MID1: variants seen among roughly 807,000 people sequenced by gnomAD.
The protein encoded by MID1 is E3 ubiquitin-protein ligase Midline-1.
Under a neutral mutation model 40.4 loss-of-function variants are expected in MID1, and 7 were observed. The observed-to-expected ratio is 0.17, with a 90% CI of 0.10 to 0.33. The LOEUF is 0.33. Ranked by LOEUF, MID1 falls within the 10% of genes least tolerant of loss-of-function variation. The pLI is 1.00. For synonymous variants in MID1, 229 were observed against 221.2 expected, an observed-to-expected ratio of 1.04 and a Z score of -0.31; for missense variants, 367 against 558.5, an observed-to-expected ratio of 0.66 and a Z score of 3.46.
intron 7 of MID1, chrX:10,469,202 G>A: frequency 3.3e-6 from 1 of 299,613 alleles, no homozygotes; most frequent in Non-Finnish European, 4.6e-6. Context: ...CTCCTGAGTA[G>A]TTGGGACTAC....
At position 10,829,544 on chromosome X, in the gene MID1, C is replaced by T. The variant is rs772945877; in HGVS notation, c.-187+4010G>A. Among the ~76,000 whole-genome samples the T allele has an allele frequency of 3.6e-5, 4 of 111,632 alleles. No homozygotes were observed. The East Asian group carries it at 1.1e-3, about 31-fold the overall frequency. On this transcript the variant is annotated intron_variant, in intron 1 of 10. Transcript: ENST00000380785. Reference sequence around the variant, plus strand: ...AAAATAAAAATAACATTAAATGAACCATTGACATTAATATTTATAGTAACT... The same window carrying T: ...AAAATAAAAATAACATTAAATGAACTATTGACATTAATATTTATAGTAACT...
intron 1 of MID1, among the ~76,000 whole-genome samples, chrX:10,772,241 T>C (rs1424766400): frequency 1.8e-5 from 2 of 110,429 alleles, no homozygotes; most frequent in Non-Finnish European, 1.9e-5. Flanking sequence ...TAAAAAGGAG[T>C]GAATTAATGG....
At chrX:10,514,250 G>A (rs1285593766) in intron 3 of MID1, among the ~76,000 whole-genome samples, 3 of 112,098 alleles carry the variant, frequency 2.7e-5, no homozygotes, top group Non-Finnish European at 5.6e-5. Context: ...GACGATGAAA[G>A]GTTTGGATAA....
intron 1 of MID1, among the ~76,000 whole-genome samples, chrX:10,704,739 T>TATATATATATACAC (rs1233692170): frequency 6.1e-5 from 5 of 82,184 alleles, no homozygotes; most frequent in African/African-American, 2.6e-4. Flanking sequence ...TATATATATA[T>TATATATATATACAC]ACACACACAC....
chrX:10,566,571 CAG>C (rs1934560673), intron 2 of MID1, among the ~76,000 whole-genome samples: 1 of 106,171 alleles, frequency 9.4e-6, no homozygotes, highest in Non-Finnish European at 1.9e-5. Context: ...CCCTCTCTCT[CAG>C]AGAGAGGCAG....
chrX:10,511,468 ACTT>A (rs1932155577), intron 3 of MID1, among the ~76,000 whole-genome samples: 2 of 111,313 alleles, frequency 1.8e-5, no homozygotes, highest in African/African-American at 6.5e-5. Context: ...GTAATCTCCA[ACTT>A]CTTCTGGGTT....
At chrX:10,828,892 A>T (rs766813092) in intron 1 of MID1, among the ~76,000 whole-genome samples, 20 of 112,368 alleles carry the variant, frequency 1.8e-4, no homozygotes, top group African/African-American at 6.5e-4. Context: ...CACAGACATG[A>T]CCATTTTCAA....
intron 1 of MID1, among the ~76,000 whole-genome samples, chrX:10,791,079 A>G (rs2043926962): frequency 8.9e-6 from 1 of 112,734 alleles, no homozygotes; most frequent in Admixed American, 9.4e-5. Flanking sequence ...CAATGTTAAT[A>G]TAAGGAAGTT....
At chrX:10,490,833 G>A (rs1016512226) in intron 4 of MID1, among the ~76,000 whole-genome samples, 1 of 111,909 alleles carries the variant, frequency 8.9e-6, no homozygotes, top group Admixed American at 9.5e-5. Flanking sequence ...AATGCAAGTT[G>A]ATGGACATTT....
At chrX:10,612,625 C>A (rs1935754014) in intron 1 of MID1, among the ~76,000 whole-genome samples, 1 of 112,434 alleles carries the variant, frequency 8.9e-6, no homozygotes, top group Non-Finnish European at 1.9e-5. Flanking sequence ...AATATAAGAT[C>A]ATTTAACTAT....
chrX:10,783,884 T>G (rs1428778747), intron 1 of MID1, among the ~76,000 whole-genome samples: 3 of 110,428 alleles, frequency 2.7e-5, no homozygotes, highest in Non-Finnish European at 5.7e-5. Context: ...GTAGCTCTTT[T>G]TTTTAAAAAA....
chrX:10,760,279 G>A (rs1167743506), intron 1 of MID1, among the ~76,000 whole-genome samples: 2 of 111,141 alleles, frequency 1.8e-5, no homozygotes, highest in Admixed American at 9.6e-5. Flanking sequence ...TACTGCTCAC[G>A]TTTCTCTTTT....
chrX:10,664,458 C>T (rs2042937251), intron 1 of MID1, among the ~76,000 whole-genome samples: 1 of 112,276 alleles, frequency 8.9e-6, no homozygotes, highest in South Asian at 3.7e-4. Flanking sequence ...GCATGAGCCA[C>T]CACGCCCAGC....
intron 3 of MID1, 66 bp downstream of exon 3, chrX:10,523,026 A>T: frequency 1.3e-6 from 1 of 763,441 alleles, no homozygotes; most frequent in Non-Finnish European, 2.0e-6. Context: ...AAGCATGAGG[A>T]TATCAAAACC....
At chrX:10,693,361 A>AT (rs751777327) in intron 1 of MID1, among the ~76,000 whole-genome samples, 88 of 99,042 alleles carry the variant, frequency 8.9e-4, no homozygotes, top group South Asian at 1.4e-3. Flanking sequence ...CACTTGGTTA[A>AT]TTTTTTTTTT....
chrX:10,598,352 G>A (rs187257144), intron 1 of MID1, among the ~76,000 whole-genome samples: 1 of 112,296 alleles, frequency 8.9e-6, no homozygotes, highest in East Asian at 2.8e-4. Flanking sequence ...AAGGAGCAAG[G>A]CAGGAGCTGA....
At chrX:10,726,132 C>T (rs1232928684) in intron 1 of MID1, among the ~76,000 whole-genome samples, 1 of 111,586 alleles carries the variant, frequency 9.0e-6, no homozygotes, top group Non-Finnish European at 1.9e-5. Context: ...TGAGATTTTT[C>T]TTTTAGCCTT....
At chrX:10,713,243 T>C (rs748179291) in intron 1 of MID1, among the ~76,000 whole-genome samples, 8 of 111,747 alleles carry the variant, frequency 7.2e-5, no homozygotes, top group Non-Finnish European at 1.3e-4. Flanking sequence ...GTGTTGCTGA[T>C]AACATGCCCA....
At chrX:10,529,127 A>G (rs1247518670) in intron 2 of MID1, among the ~76,000 whole-genome samples, 2 of 111,698 alleles carry the variant, frequency 1.8e-5, no homozygotes, top group Non-Finnish European at 3.8e-5. Context: ...TAAATAAAAT[A>G]AAAAACTTGT....
Sources: allele counts gnomAD v4.1 joint callset (sites outside exome capture counted in the v4.1 genomes callset), GRCh38; gene constraint gnomAD v4.1.1; transcripts MANE v1.5; gene names NCBI Gene and HGNC (gene_info 2026-07-23, HGNC 2026-07-21).